GPRASP3: variants seen among roughly 807,000 people sequenced by gnomAD.
GPRASP3 encodes the protein G protein-coupled receptor associated sorting protein 3.
chrX:102,726,056 G>A, the GPRASP3 span, among the ~76,000 whole-genome samples: 24 of 111,677 alleles, frequency 2.1e-4, no homozygotes, highest in African/African-American at 6.8e-4. Flanking sequence ...AAGATTTATT[G>A]GATTTATTGG....
the GPRASP3 span, chrX:102,750,694 A>T: frequency 2.0e-6 from 2 of 997,645 alleles, no homozygotes; most frequent in African/African-American, 1.9e-5. Context: ...CAGGCTGTAC[A>T]TTACAGTGTA....
chrX:102,735,382 A>G, the GPRASP3 span, among the ~76,000 whole-genome samples: 5 of 109,712 alleles, frequency 4.6e-5, no homozygotes, highest in African/African-American at 1.3e-4. Context: ...ACTTTAGCCA[A>G]TATGTTTACA....
chrX:102,739,100 G>A, the GPRASP3 span, among the ~76,000 whole-genome samples: 6 of 110,939 alleles, frequency 5.4e-5, no homozygotes, highest in Non-Finnish European at 1.9e-5. Flanking sequence ...AGTGAGCAGA[G>A]GGATGACTTT....
the GPRASP3 span, among the ~76,000 whole-genome samples, chrX:102,722,197 T>C: frequency 9.0e-6 from 1 of 111,724 alleles, no homozygotes. Context: ...CTGTCTGACT[T>C]AGCTACTAGT....
At chrX:102,740,542 C>T in the GPRASP3 span, among the ~76,000 whole-genome samples, 1 of 110,804 alleles carries the variant, frequency 9.0e-6, no homozygotes, top group African/African-American at 3.3e-5. Context: ...AAAAATCAAC[C>T]AACATCAACA....
the GPRASP3 span, among the ~76,000 whole-genome samples, chrX:102,741,943 A>G: frequency 8.9e-6 from 1 of 112,206 alleles, no homozygotes; most frequent in African/African-American, 3.2e-5. Context: ...TCTCAGACAA[A>G]CAAGAACTGA....
chrX:102,749,078 G>C, the GPRASP3 span: 46 of 1,210,631 alleles, frequency 3.8e-5, no homozygotes, highest in South Asian at 7.4e-4. Context: ...GGAGCAGAGA[G>C]GGAGGCTACT....
At chrX:102,746,123 G>C in the GPRASP3 span, 1 of 111,616 alleles carries the variant, frequency 9.0e-6, no homozygotes, top group Admixed American at 9.4e-5. Context: ...CGCCAGAGGA[G>C]AGCTGAGGAG....
the GPRASP3 span, among the ~76,000 whole-genome samples, chrX:102,733,332 G>A: frequency 6.6e-3 from 724 of 109,462 alleles, 8 homozygotes; most frequent in African/African-American, 0.023. Context: ...GGTGGCGGGC[G>A]CCTGTAATCC....
At chrX:102,734,356 C>T in the GPRASP3 span, among the ~76,000 whole-genome samples, 3 of 112,413 alleles carry the variant, frequency 2.7e-5, no homozygotes, top group Admixed American at 9.4e-5. Flanking sequence ...CGGTGGCTCA[C>T]GCCTGAAATC....
chrX:102,731,389 C>T, the GPRASP3 span, among the ~76,000 whole-genome samples: 4 of 111,887 alleles, frequency 3.6e-5, no homozygotes, highest in South Asian at 3.7e-4. Context: ...TTTGGGAGGC[C>T]GAGGCAGGCA....
At chrX:102,734,639 A>T in the GPRASP3 span, among the ~76,000 whole-genome samples, 51 of 111,492 alleles carry the variant, frequency 4.6e-4, no homozygotes, top group South Asian at 7.1e-3. Context: ...ATAATAATAA[A>T]AAAATAACAA....
chrX:102,750,852 T>C, the GPRASP3 span: 4 of 306,118 alleles, frequency 1.3e-5, no homozygotes, highest in Non-Finnish European at 2.3e-5. Flanking sequence ...ATTTTTAACA[T>C]TTTACTTAAG....
At chrX:102,737,215 T>C in the GPRASP3 span, among the ~76,000 whole-genome samples, 1 of 112,772 alleles carries the variant, frequency 8.9e-6, no homozygotes, top group East Asian at 2.8e-4. Context: ...AAGCTGACTT[T>C]TAACCATAGT....
the GPRASP3 span, among the ~76,000 whole-genome samples, chrX:102,722,736 A>G: frequency 2.7e-5 from 3 of 111,933 alleles, no homozygotes; most frequent in Admixed American, 2.8e-4. Flanking sequence ...ACATGTAACA[A>G]AAGATGCTTC....
At chrX:102,739,464 C>G in the GPRASP3 span, among the ~76,000 whole-genome samples, 1 of 110,862 alleles carries the variant, frequency 9.0e-6, no homozygotes, top group South Asian at 3.9e-4. Flanking sequence ...TCATGGAAAG[C>G]CTTCATGTGC....
the GPRASP3 span, among the ~76,000 whole-genome samples, chrX:102,743,542 C>T: frequency 2.7e-5 from 3 of 111,049 alleles, no homozygotes; most frequent in African/African-American, 9.8e-5. Flanking sequence ...TTCTTCCTGC[C>T]AGCTGCACAA....
the GPRASP3 span, chrX:102,750,079 A>C: frequency 8.3e-7 from 1 of 1,208,024 alleles, no homozygotes. Context: ...AGAGTTTATT[A>C]ACGAAGTAGG....
At chrX:102,737,116 C>T in the GPRASP3 span, among the ~76,000 whole-genome samples, 1 of 111,947 alleles carries the variant, frequency 8.9e-6, no homozygotes, top group East Asian at 2.8e-4. Flanking sequence ...AACAAAAAAC[C>T]TTTTTTTCTT....
Sources: allele counts gnomAD v4.1 joint callset (sites outside exome capture counted in the v4.1 genomes callset), GRCh38; gene constraint gnomAD v4.1.1; transcripts MANE v1.5; gene names NCBI Gene and HGNC (gene_info 2026-07-23, HGNC 2026-07-21).